MAP4K3: variants seen among roughly 807,000 people sequenced by gnomAD.
MAP4K3 encodes MAPK/ERK kinase kinase kinase 3.
A neutral mutation model predicts 143.5 loss-of-function variants in MAP4K3; 94 were observed. The ratio of observed to expected loss-of-function variants is 0.65; its 90% CI spans 0.55 to 0.78. The LOEUF (loss-of-function observed/expected upper bound fraction) is 0.78, where lower values mean the gene tolerates loss of function less well. Among genes scored for constraint, MAP4K3 ranks in the 30% least tolerant of loss-of-function variants. MAP4K3 has a pLI of 0.00. For missense variants in MAP4K3, 1,077 were observed against 1,068.1 expected, an observed-to-expected ratio of 1.01 and a Z score of -0.12; for synonymous variants, 416 against 347.2, an observed-to-expected ratio of 1.20 and a Z score of -2.20.
intron 1 of MAP4K3, among the ~76,000 whole-genome samples, chr2:39,431,729 T>A (rs1665295565): frequency 6.6e-6 from 1 of 152,190 alleles, no homozygotes; most frequent in Non-Finnish European, 1.5e-5. Context: ...TACATAATAA[T>A]AAATACTTCT....
intron 19 of MAP4K3, among the ~76,000 whole-genome samples, chr2:39,289,952 TG>T (rs1399770747): frequency 6.6e-6 from 1 of 151,680 alleles, no homozygotes; most frequent in Non-Finnish European, 1.5e-5. Flanking sequence ...CTGGACCTGG[TG>T]GTGGGTGCCT....
intron 27 of MAP4K3, among the ~76,000 whole-genome samples, chr2:39,266,609 C>T (rs1023478669): frequency 2.0e-5 from 3 of 152,162 alleles, no homozygotes; most frequent in Non-Finnish European, 4.4e-5. Context: ...ATGCCACCTT[C>T]TTCAGTGAGC....
intron 23 of MAP4K3, among the ~76,000 whole-genome samples, chr2:39,279,361 T>G (rs1424021800): frequency 6.6e-6 from 1 of 152,202 alleles, no homozygotes; most frequent in African/African-American, 2.4e-5. Flanking sequence ...CAATTGGCTA[T>G]AAACAATGAA....
chr2:39,376,903 ATGAAT>A (rs1352353613), intron 2 of MAP4K3, among the ~76,000 whole-genome samples: 4 of 152,326 alleles, frequency 2.6e-5, no homozygotes, highest in Admixed American at 2.0e-4. Context: ...TAAATTTCTT[ATGAAT>A]TGAAGAGTAG....
Position 39,363,862 on chromosome 2 carries a change from C to G in MAP4K3, c.155-7523G>C, listed in dbSNP as rs139829614. 2.4e-3 allele frequency among the ~76,000 whole-genome samples: 357 copies of G among 149,908 alleles called. 3 individuals carry two copies. Among genetic ancestry groups the G allele is most frequent in the African/African-American group, 8.5e-3 (347 of 40,880 alleles). On this transcript the variant is annotated intron_variant, in intron 2 of 33. Coordinates refer to ENST00000263881, the MANE Select transcript of MAP4K3 (RefSeq NM_003618.4). ...TTTTTTTAAGAGCAAAGGACTTGAA[C>G]AGAAATTTCTCAAAAAAAGATATAC...
intron 1 of MAP4K3, among the ~76,000 whole-genome samples, chr2:39,397,862 A>G (rs1666850856): frequency 6.6e-6 from 1 of 152,246 alleles, no homozygotes; most frequent in Admixed American, 6.5e-5. Context: ...TGTGAAAAAG[A>G]AAAGAAATAC....
At chr2:39,435,152 C>T (rs1415157051) in intron 1 of MAP4K3, among the ~76,000 whole-genome samples, 2 of 152,196 alleles carry the variant, frequency 1.3e-5, no homozygotes, top group Non-Finnish European at 2.9e-5. Flanking sequence ...TCCACTTCTA[C>T]TTTCACAGTC....
chr2:39,265,572 G>A (rs186019611), intron 27 of MAP4K3, among the ~76,000 whole-genome samples: 1 of 152,252 alleles, frequency 6.6e-6, no homozygotes, highest in Admixed American at 6.5e-5. Context: ...GGGGTAAGAG[G>A]AAGGACTTTT....
At chr2:39,406,954 C>G (rs1667113617) in intron 1 of MAP4K3, among the ~76,000 whole-genome samples, 2 of 152,246 alleles carry the variant, frequency 1.3e-5, no homozygotes, top group East Asian at 1.9e-4. Context: ...AAACTACAGA[C>G]AAATATACCT....
rs534280954 is a variant in MAP4K3 at position 39,325,070 on chromosome 2, G to A, written c.918+448C>T. ...GGCCTCAAGTAATCCTCTTGCTTCAGCCTCCCAAAGTGATGGGATTACAGA... is the reference window on the plus strand; with the variant it reads ...GGCCTCAAGTAATCCTCTTGCTTCAACCTCCCAAAGTGATGGGATTACAGA... On this transcript the variant is annotated intron_variant, in intron 12 of 33. Transcript: ENST00000263881. Among the ~76,000 whole-genome samples the A allele has an allele frequency of 9.3e-4, 142 of 152,142 alleles. 1 individual carries two copies. Among genetic ancestry groups the A allele is most frequent in the African/African-American group, 3.1e-3 (127 of 41,514 alleles).
chr2:39,352,190 C>T (rs1014937328), intron 3 of MAP4K3, among the ~76,000 whole-genome samples: 1 of 152,060 alleles, frequency 6.6e-6, no homozygotes, highest in African/African-American at 2.4e-5. Context: ...ACTCGGGAGG[C>T]TGAGACAGAA....
intron 1 of MAP4K3, among the ~76,000 whole-genome samples, chr2:39,436,086 C>A (rs894800631): frequency 2.6e-5 from 4 of 152,216 alleles, no homozygotes; most frequent in African/African-American, 4.8e-5. Flanking sequence ...AACCTCCTCT[C>A]TTCTTGGCAG....
intron 1 of MAP4K3, among the ~76,000 whole-genome samples, chr2:39,420,856 G>A (rs1027730056): frequency 6.6e-6 from 1 of 152,060 alleles, no homozygotes; most frequent in East Asian, 1.9e-4. Flanking sequence ...CCCTCTTGAC[G>A]ATATTTCCCT....
rs140954365 is a variant in MAP4K3 at position 39,292,820 on chromosome 2, G to A, written c.1224C>T (p.His408=). 16 of 1,611,148 alleles carry A rather than the reference G, an allele frequency of 9.9e-6. No individual in the cohort carries two copies. Among genetic ancestry groups the A allele is most frequent in the Non-Finnish European group, 1.3e-5 (15 of 1,177,684 alleles). ...CTTCATCATCTTCTAAATGTGCGAC[G>A]TGTCCTCTAAATAAAAAGGATAATG... The part of the protein sequence containing the change: ...SVEEELHQRG[H]VAHLEDDEGD... Residue 408 remains histidine (H), a synonymous_variant, in exon 18 of 34, where the codon CAC becomes CAT. Coordinates refer to ENST00000263881, the MANE Select transcript of MAP4K3 (RefSeq NM_003618.4).
At chr2:39,280,384 A>C in intron 22 of MAP4K3, 28 bp from the exon 23 acceptor site, 2 of 1,343,270 alleles carry the variant, frequency 1.5e-6, no homozygotes, top group Non-Finnish European at 2.1e-6. Context: ...AACCAATATG[A>C]AACAGTGACA....
chr2:39,316,074 C>G (rs1189702868), intron 12 of MAP4K3, among the ~76,000 whole-genome samples: 1 of 151,858 alleles, frequency 6.6e-6, no homozygotes, highest in Non-Finnish European at 1.5e-5. Flanking sequence ...AAAAAATGCT[C>G]TCCACTCCAT....
chr2:39,293,747 T>A (rs1279290068), intron 16 of MAP4K3: 1 of 159,110 alleles, frequency 6.3e-6, no homozygotes, highest in Non-Finnish European at 1.4e-5. Flanking sequence ...AAAATGAAAC[T>A]CACCATGTTG....
chr2:39,311,653 G>A (rs1340551333), intron 13 of MAP4K3, among the ~76,000 whole-genome samples: 1 of 152,194 alleles, frequency 6.6e-6, no homozygotes, highest in Non-Finnish European at 1.5e-5. Flanking sequence ...GAGGCCTCCT[G>A]GCAAGGAAGT....
intron 21 of MAP4K3, among the ~76,000 whole-genome samples, chr2:39,283,258 C>T (rs1218914593): frequency 1.3e-5 from 2 of 152,128 alleles, no homozygotes; most frequent in Non-Finnish European, 1.5e-5. Context: ...CATATCACAT[C>T]ACACCCACCA....
Sources: allele counts gnomAD v4.1 joint callset (sites outside exome capture counted in the v4.1 genomes callset), GRCh38; gene constraint gnomAD v4.1.1; transcripts MANE v1.5; gene names NCBI Gene and HGNC (gene_info 2026-07-23, HGNC 2026-07-21).